Variants in MYO1E observed in about 807,000 individuals in gnomAD.
MYO1E encodes myosin IE.
MYO1E carries 68 observed loss-of-function variants against 151.1 expected under a neutral mutation model. That is an observed-to-expected ratio of 0.45 (90% CI 0.37 to 0.55). The LOEUF (loss-of-function observed/expected upper bound fraction) is 0.55, where lower values mean the gene tolerates loss of function less well. MYO1E is among the 20% of genes least tolerant of loss of function. MYO1E has a pLI of 0.00. For missense variants in MYO1E, 1,363 were observed against 1,389.3 expected, an observed-to-expected ratio of 0.98 and a Z score of 0.30; for synonymous variants, 601 against 501.7, an observed-to-expected ratio of 1.20 and a Z score of -2.64.
rs770956809 is a variant in MYO1E, at chr15:59,231,728, C to T, written c.484G>A (p.Val162Ile). ...LLEAFGNAKT[V>I]RNNNSSRFGK... ...AATCGGCTGGAGTTGTTGTTCCGGA[C>T]GGTCTTGGCGTTCCCGAAGGCCTCC... The change falls in exon 6 of 28, where the codon GTC (valine) becomes ATC (isoleucine). Residue 162 changes from valine to isoleucine, a missense_variant. Physicochemically the swap from Val to Ile is conservative, Grantham distance 29. Transcript: ENST00000288235. 1.2e-5 allele frequency: 20 copies of T among 1,614,018 alleles called. No homozygotes were observed. The South Asian group carries it at 1.3e-4, about 11-fold the overall frequency.
At chr15:59,264,079 C>CT (rs1170137367) in intron 2 of MYO1E, among the ~76,000 whole-genome samples, 1 of 152,108 alleles carries the variant, frequency 6.6e-6, no homozygotes, top group Non-Finnish European at 1.5e-5. Flanking sequence ...GCAGATTGTG[C>CT]TTTTTTTCAT....
intron 6 of MYO1E, among the ~76,000 whole-genome samples, chr15:59,231,225 T>C (rs946330171): frequency 2.6e-5 from 4 of 152,164 alleles, no homozygotes; most frequent in Non-Finnish European, 5.9e-5. Context: ...GGCAGCTCGC[T>C]CTGAGGGATG....
intron 1 of MYO1E, among the ~76,000 whole-genome samples, chr15:59,304,760 A>G (rs537710762): frequency 3.9e-5 from 6 of 152,372 alleles, no homozygotes; most frequent in Non-Finnish European, 5.9e-5. Flanking sequence ...CTAAGACTGC[A>G]AAAGTATTTA....
chr15:59,242,900 G>T (rs570726217), intron 4 of MYO1E, among the ~76,000 whole-genome samples: 2 of 152,226 alleles, frequency 1.3e-5, no homozygotes, highest in East Asian at 3.9e-4. Flanking sequence ...TTTAATGCCT[G>T]AACTCTTTAA....
rs1490221272 is a variant in MYO1E at position 59,136,604 on chromosome 15, G to T, written c.*776C>A. On this transcript the variant is annotated 3_prime_UTR_variant, in exon 28 of 28. Coordinates refer to ENST00000288235, the MANE Select transcript of MYO1E (RefSeq NM_004998.4). The stretch of plus-strand genomic sequence containing the variant: ...TTCATACATGTTTCTACCATCTCAA[G>T]ATTTTTATATATACAGTATATGATC... 2.4e-6 allele frequency: 1 copy of T among 419,060 alleles called. No homozygotes were observed. The highest frequency in any genetic ancestry group is 4.8e-6 in the Non-Finnish European group (1 of 206,468). 26.0% of individuals were successfully genotyped at this position (419,060 alleles called of 1,614,324 possible).
At chr15:59,362,644 C>T (rs2080891943) in intron 1 of MYO1E, among the ~76,000 whole-genome samples, 1 of 152,212 alleles carries the variant, frequency 6.6e-6, no homozygotes, top group South Asian at 2.1e-4. Flanking sequence ...GATTCTTCTG[C>T]ATTTAAATCT....
At position 59,272,403 on chromosome 15, in the gene MYO1E, T is replaced by C. The variant is rs1384080304; in HGVS notation, c.50A>G (p.Lys17Arg). 6.2e-7 allele frequency: 1 copy of C among 1,613,986 alleles called. No homozygotes were observed. Among genetic ancestry groups the C allele is most frequent in the Non-Finnish European group, 8.5e-7 (1 of 1,179,898 alleles). ...YQYHWQSHNVKHSGVDDMVLL... is the reference protein window; with the variant it reads ...YQYHWQSHNVRHSGVDDMVLL... ...CACCATGTCGTCCACACCACTGTGC[T>C]TGACATTGTGGCTTTGCCAGTGGTA... The change falls in exon 2 of 28, where the codon AAG (lysine) becomes AGG (arginine). Residue 17 changes from lysine (K) to arginine (R), a missense_variant. By Grantham distance (26) the Lys-to-Arg change is conservative (BLOSUM62 2). Coordinates refer to ENST00000288235, the MANE Select transcript of MYO1E (RefSeq NM_004998.4).
chr15:59,185,177 T>C (rs1397494144), intron 18 of MYO1E, among the ~76,000 whole-genome samples: 4 of 152,212 alleles, frequency 2.6e-5, no homozygotes, highest in African/African-American at 9.7e-5. Flanking sequence ...TCCTTCTATA[T>C]TCTGGTTATT....
Position 59,207,661 on chromosome 15 carries a change from G to C in MYO1E, c.1530+1020C>G, listed in dbSNP as rs2079847451. On this transcript the variant is annotated intron_variant, in intron 14 of 27. Transcript: ENST00000288235. ...AAGCTGCCATGGATGGATCCTCGGA[G>C]AGCATGGAGACTCAAGTGTTCCTGT... is the stretch of plus-strand genomic sequence containing the variant. 1 of 1,614,166 alleles carries C rather than the reference G, an allele frequency of 6.2e-7. No homozygotes were observed. The highest frequency in any genetic ancestry group is 8.5e-7 in the Non-Finnish European group (1 of 1,180,020).
intron 26 of MYO1E, among the ~76,000 whole-genome samples, chr15:59,141,820 G>T (rs1230539783): frequency 2.9e-5 from 4 of 138,172 alleles, no homozygotes; most frequent in Admixed American, 7.2e-5. Context: ...AAAAAAAAAG[G>T]CTGGGTGCAG....
intron 15 of MYO1E, among the ~76,000 whole-genome samples, chr15:59,204,864 G>A (rs1003743217): frequency 6.6e-6 from 1 of 152,140 alleles, no homozygotes; most frequent in Non-Finnish European, 1.5e-5. Context: ...CATAGAACCA[G>A]ACTGTTCCAC....
rs1298967038 is a variant in MYO1E, at chr15:59,133,311, G to C, written c.*4069C>G. 1 of 152,190 alleles carries C rather than the reference G, an allele frequency of 6.6e-6. No homozygotes were observed. Among genetic ancestry groups the C allele is most frequent in the African/African-American group, 2.4e-5 (1 of 41,452 alleles). 9.4% of individuals were successfully genotyped at this position (152,190 alleles called of 1,614,324 possible). On this transcript the variant is annotated 3_prime_UTR_variant, in exon 28 of 28. Coordinates refer to ENST00000288235, the MANE Select transcript of MYO1E (RefSeq NM_004998.4). ...CACCTGAGCCCTGGAGTTTGAGACT[G>C]CAGTAAGGCATGATCGCACCACTGT...
At chr15:59,357,642 G>A (rs550434817) in intron 1 of MYO1E, among the ~76,000 whole-genome samples, 24 of 151,736 alleles carry the variant, frequency 1.6e-4, no homozygotes, top group South Asian at 1.3e-3. Context: ...TAGAGACAGG[G>A]TTTCACCATG....
chr15:59,222,828 C>T (rs879860910), intron 9 of MYO1E, among the ~76,000 whole-genome samples: 6 of 152,178 alleles, frequency 3.9e-5, no homozygotes, highest in Non-Finnish European at 5.9e-5. Context: ...GAAACGATTC[C>T]ATTAATAATC....
chr15:59,200,877 G>C (rs2079797303), intron 16 of MYO1E, among the ~76,000 whole-genome samples: 1 of 151,950 alleles, frequency 6.6e-6, no homozygotes, highest in South Asian at 2.1e-4. Flanking sequence ...GAGAGCGTAA[G>C]TAACACCTTG....
Position 59,259,856 on chromosome 15 carries a change from T to C in MYO1E, c.237+1564A>G, listed in dbSNP as rs1212249969. On this transcript the variant is annotated intron_variant, in intron 3 of 27. Coordinates refer to ENST00000288235, the MANE Select transcript of MYO1E (RefSeq NM_004998.4). Reference sequence around the variant, plus strand: ...CCTCCCCTGAGACTCTCAAAGTCATTAGGACCTGACTTCAACTCCTAGCTC... The same window carrying C: ...CCTCCCCTGAGACTCTCAAAGTCATCAGGACCTGACTTCAACTCCTAGCTC... 2.0e-5 allele frequency among the ~76,000 whole-genome samples: 3 copies of C among 152,210 alleles called. No homozygotes were observed. In the South Asian group the frequency reaches 6.2e-4, roughly 31 times the overall value.
chr15:59,305,884 C>G (rs1173282685), intron 1 of MYO1E, among the ~76,000 whole-genome samples: 1 of 152,130 alleles, frequency 6.6e-6, no homozygotes, highest in Non-Finnish European at 1.5e-5. Flanking sequence ...CAGAGCTTCA[C>G]TGGGGGCCCA....
rs190434542 is a variant in MYO1E, at chr15:59,182,955, G to A, written c.1905-4418C>T. The stretch of plus-strand genomic sequence containing the variant: ...CAGGCATTAGATTCTCAAAAGGAGC[G>A]CACAAGCTAGATCCCTCGCACGTGC... On this transcript the variant is annotated intron_variant, in intron 18 of 27. Transcript: ENST00000288235. Among the ~76,000 whole-genome samples, 260 of 152,274 alleles carry A rather than the reference G, an allele frequency of 1.7e-3. 5 individuals are homozygous for A. The highest frequency in any genetic ancestry group is 5.1e-4 in the Non-Finnish European group (35 of 68,026).
At chr15:59,368,766 C>T (rs897575130) in intron 1 of MYO1E, among the ~76,000 whole-genome samples, 1 of 152,044 alleles carries the variant, frequency 6.6e-6, no homozygotes, top group Non-Finnish European at 1.5e-5. Flanking sequence ...AGTTTGCAAC[C>T]ACTGACAAGA....
Sources: gnomAD v4.1 joint callset for allele counts (sites outside exome capture counted in the v4.1 genomes callset) on GRCh38, gnomAD v4.1.1 for gene constraint, MANE v1.5 for transcripts, NCBI Gene and HGNC (gene_info 2026-07-23, HGNC 2026-07-21) for gene names.